MBTD1: variants seen among roughly 807,000 people sequenced by gnomAD.
MBTD1 encodes the protein mbt domain containing 1, also known as MBT domain-containing protein 1.
Under a neutral mutation model 87.8 loss-of-function variants are expected in MBTD1, and 24 were observed. The ratio of observed to expected loss-of-function variants is 0.27; its 90% CI spans 0.20 to 0.38. The LOEUF (loss-of-function observed/expected upper bound fraction) is 0.38. Ranked by LOEUF, MBTD1 falls within the 10% of genes least tolerant of loss-of-function variation. The pLI, the probability that MBTD1 is intolerant of heterozygous loss-of-function variation, is 1.00. For missense variants in MBTD1, 436 were observed against 760.2 expected (o/e 0.57, Z 5.02); for synonymous variants, 237 against 248.6 (o/e 0.95, Z 0.44).
At chr17:51,257,258 T>C (rs192121926) in intron 2 of MBTD1, among the ~76,000 whole-genome samples, 198 of 152,338 alleles carry the variant, frequency 1.3e-3, no homozygotes, top group African/African-American at 4.5e-3. Context: ...TAATGATACA[T>C]AAGTGTGAAA....
intron 2 of MBTD1, among the ~76,000 whole-genome samples, chr17:51,241,038 G>C (rs1384737203): frequency 6.6e-6 from 1 of 151,924 alleles, no homozygotes; most frequent in Non-Finnish European, 1.5e-5. Flanking sequence ...GAGTGCAGTG[G>C]CGTGATTTCG....
upstream of MBTD1, chr17:51,260,492 C>T: frequency 1.4e-6 from 2 of 1,393,216 alleles, no homozygotes; most frequent in Admixed American, 5.4e-5. Context: ...CCTTCCGGCC[C>T]CCGGGGCTTC....
chr17:51,197,118 G>C (rs1452947491), intron 12 of MBTD1, among the ~76,000 whole-genome samples: 1 of 89,032 alleles, frequency 1.1e-5, no homozygotes, highest in Non-Finnish European at 2.2e-5. Context: ...ATATATATAT[G>C]GAGGACGGAG....
intron 6 of MBTD1, among the ~76,000 whole-genome samples, chr17:51,216,222 G>A (rs554346276): frequency 3.9e-5 from 6 of 152,212 alleles, no homozygotes; most frequent in South Asian, 2.1e-4. Flanking sequence ...GTGAGCCACC[G>A]TGCCCGGCCT....
chr17:51,207,484 T>C (rs894271703), intron 6 of MBTD1, among the ~76,000 whole-genome samples: 4 of 152,170 alleles, frequency 2.6e-5, no homozygotes, highest in African/African-American at 9.7e-5. Flanking sequence ...AATTCATAGA[T>C]TAGAAATCTA....
At chr17:51,219,362 ATAGAACCAGTGG>A (rs1439708857) in intron 4 of MBTD1, among the ~76,000 whole-genome samples, 2 of 152,242 alleles carry the variant, frequency 1.3e-5, no homozygotes, top group Non-Finnish European at 2.9e-5. Flanking sequence ...CTTACAGTAG[ATAGAACCAGTGG>A]TTATTTACTC....
chr17:51,215,927 ATTTTTTTTTTTTT>A (rs35988235), intron 6 of MBTD1, among the ~76,000 whole-genome samples: 1 of 114,210 alleles, frequency 8.8e-6, no homozygotes, highest in Non-Finnish European at 1.7e-5. Context: ...TAAAGCCCTA[ATTTTTTTTTTTTT>A]TTTTTTTTTG....
rs1473344908 is a variant in MBTD1, at chr17:51,201,618, T to C, written c.1198A>G (p.Thr400Ala). The change falls in exon 12 of 17, where the codon ACA becomes GCA. Residue 400 changes from threonine (T) to alanine (A), a missense_variant. Physicochemically the swap from Thr to Ala is moderately conservative, Grantham distance 58. Coordinates refer to ENST00000586178, the MANE Select transcript of MBTD1 (RefSeq NM_017643.3). ...LEAIDPLNLS[T>A]ICVATIRKVL... ...TTTCTAATGGTTGCGACACATATTG[T>C]AGAAAGATTTAATGGGTCTATAGCT... The C allele has an allele frequency of 1.2e-6, 2 of 1,607,942 alleles. No homozygotes were observed. Among genetic ancestry groups the C allele is most frequent in the Non-Finnish European group, 8.5e-7 (1 of 1,176,474 alleles).
At chr17:51,207,697 A>T (rs933144796) in intron 6 of MBTD1, among the ~76,000 whole-genome samples, 3 of 152,180 alleles carry the variant, frequency 2.0e-5, no homozygotes, top group Non-Finnish European at 4.4e-5. Flanking sequence ...TAAGATGGGG[A>T]CTCGGAAAAT....
chr17:51,254,424 T>A (rs1345523829), intron 2 of MBTD1, among the ~76,000 whole-genome samples: 1 of 152,190 alleles, frequency 6.6e-6, no homozygotes, highest in East Asian at 1.9e-4. Flanking sequence ...TAAATTCATG[T>A]CAATGATACA....
intron 2 of MBTD1, among the ~76,000 whole-genome samples, chr17:51,239,297 A>G (rs749581679): frequency 1.3e-5 from 2 of 152,252 alleles, no homozygotes; most frequent in Admixed American, 1.3e-4. Flanking sequence ...CATTAAATTT[A>G]AATTACTGCC....
intron 2 of MBTD1, among the ~76,000 whole-genome samples, chr17:51,242,388 CT>C (rs1206426575): frequency 2.6e-5 from 4 of 152,148 alleles, no homozygotes; most frequent in African/African-American, 9.7e-5. Flanking sequence ...TTGCTCAACC[CT>C]TTTAGACATT....
At position 51,246,457 on chromosome 17, in the gene MBTD1, A is replaced by C. The variant is rs980627349; in HGVS notation, c.-49+12686T>G. Among the ~76,000 whole-genome samples the C allele has an allele frequency of 3.3e-5, 5 of 152,160 alleles. No homozygotes were observed. In the East Asian group the frequency reaches 5.8e-4, roughly 18 times the overall value. ...TCTATGTTTTGTTGTTGCTATTGTA[A>C]TCTTCTCTTTTGTTGTATTTTCTTA... On this transcript the variant is annotated intron_variant, in intron 2 of 16. Transcript: ENST00000586178.
rs1238212925 is a variant in MBTD1, at chr17:51,179,482, TTTTATATATATATATATATA to T, written c.*1074_*1093del. 3.1e-3 allele frequency: 99 copies of T among 31,648 alleles called. 9 individuals carry two copies. The highest frequency in any genetic ancestry group is 8.7e-3 in the African/African-American group (50 of 5,718). The allele number at this position is 31,648 out of a possible 1,614,324, so 2.0% of individuals were successfully genotyped here. ...AAATCCTGAATACAATTAAAGACAA[TTTTATATATATATATATATA>T]TATATATATATATATATATATATAT... On this transcript the variant is annotated 3_prime_UTR_variant, in exon 17 of 17. Transcript: ENST00000586178.
intron 6 of MBTD1, among the ~76,000 whole-genome samples, chr17:51,212,357 CA>C (rs60857354): frequency 7.4e-5 from 10 of 135,846 alleles, no homozygotes; most frequent in Admixed American, 7.5e-5. Context: ...GACTCCGCCT[CA>C]AAAAAAAAAA....
chr17:51,224,955 A>C (rs1261945303), intron 3 of MBTD1, 53 bp downstream of exon 3: 3 of 1,186,178 alleles, frequency 2.5e-6, no homozygotes, highest in Non-Finnish European at 3.4e-6. Flanking sequence ...ACCAAATGAA[A>C]ACACACCCTT....
In MBTD1 at chr17:51,191,074, A is replaced by G. The variant is rs189446280; in HGVS notation, c.1768+1129T>C. 2.1e-3 allele frequency among the ~76,000 whole-genome samples: 324 copies of G among 152,120 alleles called. 2 individuals carry two copies. The highest frequency in any genetic ancestry group is 6.8e-3 in the African/African-American group (284 of 41,504). ...CACTCCATTCCAGCCTGAGCAACAA[A>G]GTAAGGCCTTGTCTCAAAAAAGAAT... On this transcript the variant is annotated intron_variant, in intron 16 of 16. Coordinates refer to ENST00000586178, the MANE Select transcript of MBTD1 (RefSeq NM_017643.3).
chr17:51,186,480 C>T (rs2050540311), intron 16 of MBTD1: 1 of 152,022 alleles, frequency 6.6e-6, no homozygotes, highest in Non-Finnish European at 1.5e-5. Flanking sequence ...TTACAGAGAG[C>T]TTTAAGAACA....
intron 2 of MBTD1, among the ~76,000 whole-genome samples, chr17:51,253,488 G>T (rs917647852): frequency 2.6e-5 from 4 of 152,010 alleles, no homozygotes; most frequent in African/African-American, 9.7e-5. Flanking sequence ...ACAATATATA[G>T]TATAATAAAA....
Sources: allele counts gnomAD v4.1 joint callset (sites outside exome capture counted in the v4.1 genomes callset), GRCh38; gene constraint gnomAD v4.1.1; transcripts MANE v1.5; gene names NCBI Gene and HGNC (gene_info 2026-07-23, HGNC 2026-07-21).